PARM1: variants seen among roughly 807,000 people sequenced by gnomAD.
PARM1 encodes the protein prostate androgen-regulated mucin-like protein 1, also known as WSC4, cell wall integrity and stress response component 4 homolog.
A neutral mutation model predicts 24.6 loss-of-function variants in PARM1; 14 were observed. That is an observed-to-expected ratio of 0.57 (90% CI 0.38 to 0.89). The LOEUF is 0.89. Among genes scored for constraint, PARM1 ranks in the 40% least tolerant of loss-of-function variants. The pLI is 0.00. For missense variants in PARM1, 362 were observed against 380.4 expected, an observed-to-expected ratio of 0.95 and a Z score of 0.40; for synonymous variants, 179 against 156.6, an observed-to-expected ratio of 1.14 and a Z score of -1.07.
At chr4:75,002,368 G>A (rs1722696879) in intron 1 of PARM1, among the ~76,000 whole-genome samples, 1 of 152,250 alleles carries the variant, frequency 6.6e-6, no homozygotes, top group East Asian at 1.9e-4. Context: ...GGGTAGAAGG[G>A]TATGCCACCC....
At chr4:74,981,963 A>G (rs967980263) in intron 1 of PARM1, among the ~76,000 whole-genome samples, 2 of 152,146 alleles carry the variant, frequency 1.3e-5, no homozygotes, top group Non-Finnish European at 1.5e-5. Context: ...TCAAAGGAAT[A>G]TAAATCATTC....
chr4:74,990,647 CAG>C (rs992349631), intron 1 of PARM1, among the ~76,000 whole-genome samples: 2 of 152,044 alleles, frequency 1.3e-5, no homozygotes, highest in African/African-American at 4.8e-5. Flanking sequence ...AAAATCCCAG[CAG>C]AGAGTGGGAT....
chr4:74,938,230 A>T (rs1051184858), intron 1 of PARM1, among the ~76,000 whole-genome samples: 12 of 152,208 alleles, frequency 7.9e-5, no homozygotes, highest in African/African-American at 1.9e-4. Context: ...GTTTAAGCAG[A>T]CTTTCTTAAG....
At chr4:75,007,070 GAACA>G (rs1722786886) in intron 1 of PARM1, among the ~76,000 whole-genome samples, 1 of 152,174 alleles carries the variant, frequency 6.6e-6, no homozygotes, top group Admixed American at 6.5e-5. Context: ...CGAAGGATAT[GAACA>G]GACACTTCTC....
At chr4:75,014,955 A>C (rs532847474) in intron 2 of PARM1, among the ~76,000 whole-genome samples, 1 of 152,324 alleles carries the variant, frequency 6.6e-6, no homozygotes, top group Non-Finnish European at 1.5e-5. Flanking sequence ...CTTTGATGCG[A>C]TATCTTAAGA....
chr4:75,001,710 A>C (rs187478459), intron 1 of PARM1, among the ~76,000 whole-genome samples: 12 of 152,338 alleles, frequency 7.9e-5, no homozygotes, highest in Non-Finnish European at 1.3e-4. Flanking sequence ...GAAAACCCTT[A>C]GAAGAAAATG....
intron 1 of PARM1, among the ~76,000 whole-genome samples, chr4:75,010,388 C>CA (rs1722848103): frequency 6.6e-6 from 1 of 152,064 alleles, no homozygotes; most frequent in African/African-American, 2.4e-5. Flanking sequence ...TTAATAGGCA[C>CA]AGAGTTTGAG....
intron 1 of PARM1, among the ~76,000 whole-genome samples, chr4:74,998,323 T>C (rs1356501567): frequency 6.6e-6 from 1 of 152,200 alleles, no homozygotes; most frequent in Non-Finnish European, 1.5e-5. Flanking sequence ...TAAAGCAAGC[T>C]GCCTCTTTCT....
chr4:75,012,748 G>C lies in PARM1; in HGVS notation c.367G>C (p.Glu123Gln). The C allele has an allele frequency of 6.2e-7, 1 of 1,613,938 alleles. No homozygotes were observed. Among genetic ancestry groups the C allele is most frequent in the Non-Finnish European group, 8.5e-7 (1 of 1,179,860 alleles). Residue 123 changes from glutamate (E) to glutamine (Q), a missense_variant, in exon 2 of 4, where the codon GAG becomes CAG. Glu to Gln is a conservative substitution (Grantham distance 29). Transcript: ENST00000307428. ...SGGVHLTTTL[E>Q]EHSSGTPEAG... ...TGGAGTCCACTTAACAACCACGTTGGAGGAACACAGCTCGGGCACTCCTGA... is the reference window on the plus strand; with the variant it reads ...TGGAGTCCACTTAACAACCACGTTGCAGGAACACAGCTCGGGCACTCCTGA...
chr4:75,017,274 CA>C (rs1723007014), intron 2 of PARM1, among the ~76,000 whole-genome samples: 1 of 152,178 alleles, frequency 6.6e-6, no homozygotes, highest in Non-Finnish European at 1.5e-5. Flanking sequence ...CGCTCTGAAT[CA>C]GAGAAAAAGC....
chr4:75,012,352 A>T, intron 1 of PARM1, 73 bp from the exon 2 acceptor site: 1 of 1,499,360 alleles, frequency 6.7e-7, no homozygotes, highest in Non-Finnish European at 9.1e-7. Context: ...AGCTGTGGGT[A>T]AAAGCCTTGC....
chr4:74,977,868 G>A (rs752481282), intron 1 of PARM1, among the ~76,000 whole-genome samples: 2 of 152,114 alleles, frequency 1.3e-5, no homozygotes, highest in African/African-American at 2.4e-5. Context: ...GCCAAACTAA[G>A]CTTCATAAGT....
chr4:75,011,253 A>C (rs942999348), intron 1 of PARM1, among the ~76,000 whole-genome samples: 1 of 152,198 alleles, frequency 6.6e-6, no homozygotes, highest in East Asian at 1.9e-4. Context: ...AGTGACTATA[A>C]TGGCTCAGGG....
intron 1 of PARM1, among the ~76,000 whole-genome samples, chr4:75,005,002 C>T (rs972224803): frequency 1.3e-5 from 2 of 152,142 alleles, no homozygotes; most frequent in African/African-American, 2.4e-5. Context: ...TCTGTGAAAC[C>T]GAGATAACAA....
intron 1 of PARM1, among the ~76,000 whole-genome samples, chr4:75,008,038 C>T (rs1030999115): frequency 3.3e-5 from 5 of 152,152 alleles, no homozygotes; most frequent in Admixed American, 6.5e-5. Context: ...CAGTCCTAGC[C>T]GACTAAGACA....
intron 1 of PARM1, among the ~76,000 whole-genome samples, chr4:74,940,746 G>T (rs1389157153): frequency 6.6e-6 from 1 of 152,116 alleles, no homozygotes; most frequent in East Asian, 1.9e-4. Flanking sequence ...CATACTATAG[G>T]ACTCTTGCTT....
At chr4:74,970,440 A>G (rs1185643424) in intron 1 of PARM1, 2 of 152,188 alleles carry the variant, frequency 1.3e-5, no homozygotes, top group African/African-American at 2.4e-5. Context: ...AACTTCCATC[A>G]TTTAAGCAGT....
intron 1 of PARM1, among the ~76,000 whole-genome samples, chr4:74,964,356 A>C (rs1197415103): frequency 6.6e-6 from 1 of 152,176 alleles, no homozygotes; most frequent in Admixed American, 6.5e-5. Context: ...CCCACTTCAG[A>C]CACACTGTCA....
intron 2 of PARM1, among the ~76,000 whole-genome samples, chr4:75,018,790 GT>G (rs1723034578): frequency 6.6e-6 from 1 of 152,202 alleles, no homozygotes; most frequent in Admixed American, 6.5e-5. Context: ...GACAAAACAA[GT>G]CCAGAGAGAC....
Sources: gnomAD v4.1 joint callset for allele counts (sites outside exome capture counted in the v4.1 genomes callset) on GRCh38, gnomAD v4.1.1 for gene constraint, MANE v1.5 for transcripts, NCBI Gene and HGNC (gene_info 2026-07-23, HGNC 2026-07-21) for gene names.